CUBN: variants seen among roughly 807,000 people sequenced by gnomAD.
CUBN encodes cubilin, also known as 460 kDa receptor.
CUBN carries 282 observed loss-of-function variants against 405.3 expected under a neutral mutation model. The observed-to-expected ratio is 0.70, with a 90% CI of 0.63 to 0.77. CUBN has a LOEUF of 0.77. Ranked by LOEUF, CUBN falls within the 30% of genes least tolerant of loss-of-function variation. The pLI is 0.00. For missense variants in CUBN, 4,514 were observed against 4,475.2 expected (o/e 1.01, Z -0.25); for synonymous variants, 1,684 against 1,617.0 (o/e 1.04, Z -0.99).
intron 59 of CUBN, among the ~76,000 whole-genome samples, chr10:16,866,534 C>T (rs1329920530): frequency 6.6e-6 from 1 of 152,196 alleles, no homozygotes; most frequent in East Asian, 1.9e-4. Context: ...TTAGCCAAAT[C>T]CACAGAACCA....
intron 36 of CUBN, 43 bp from the exon 37 acceptor site, chr10:16,940,280 A>G (rs1842620063): frequency 6.4e-7 from 1 of 1,559,166 alleles, no homozygotes; most frequent in Non-Finnish European, 8.8e-7. Flanking sequence ...AAATTGAGAG[A>G]ATAGACTTTG....
chr10:16,916,120 C>G, intron 45 of CUBN, 90 bp from the exon 46 acceptor site: 1 of 1,328,452 alleles, frequency 7.5e-7, no homozygotes, highest in Non-Finnish European at 1.1e-6. Context: ...TTCATTTCAC[C>G]AGCACATTTG....
At chr10:16,828,466 C>A (rs1489014361) in intron 66 of CUBN, among the ~76,000 whole-genome samples, 1 of 152,114 alleles carries the variant, frequency 6.6e-6, no homozygotes, top group Non-Finnish European at 1.5e-5. Context: ...GCGTGTAATC[C>A]CAACACTTTC....
Position 16,915,056 on chromosome 10 carries a change from G to A in CUBN, c.7327C>T (p.Leu2443=), listed in dbSNP as rs1841846523. 1 of 1,613,862 alleles carries A rather than the reference G, an allele frequency of 6.2e-7. No individual in the cohort carries two copies. Among genetic ancestry groups the A allele is most frequent in the African/African-American group, 1.3e-5 (1 of 74,940 alleles). ...CCTTCCATACTGGATTCAAATCGCA[G>A]TCTGAATCCTGAGGCAGTCACAGAG... ...DGSVTASGFR[L]RFESSMEECG... The change falls in exon 47 of 67, where the codon CTG becomes TTG. Residue 2443 remains leucine (L), a synonymous_variant. Transcript: ENST00000377833.
At chr10:16,980,608 G>A (rs1036433675) in intron 31 of CUBN, among the ~76,000 whole-genome samples, 4 of 152,048 alleles carry the variant, frequency 2.6e-5, no homozygotes, top group Admixed American at 6.6e-5. Flanking sequence ...ACCAAACACC[G>A]CATATTCTCA....
intron 54 of CUBN, among the ~76,000 whole-genome samples, chr10:16,898,154 G>A (rs759216227): frequency 2.0e-5 from 3 of 151,522 alleles, no homozygotes; most frequent in Non-Finnish European, 4.4e-5. Flanking sequence ...AACATCATTT[G>A]AGAGTTGATA....
intron 59 of CUBN, among the ~76,000 whole-genome samples, chr10:16,861,480 C>T (rs546462863): frequency 1.4e-3 from 219 of 152,268 alleles, no homozygotes; most frequent in African/African-American, 5.2e-3. Flanking sequence ...CCTTCTTATC[C>T]TTCCAAAATA....
chr10:17,070,408 G>A (rs772131565), intron 19 of CUBN, among the ~76,000 whole-genome samples: 7 of 152,064 alleles, frequency 4.6e-5, no homozygotes, highest in South Asian at 2.1e-4. Flanking sequence ...AAAAGAGCCC[G>A]CTGTGATTTT....
intron 28 of CUBN, among the ~76,000 whole-genome samples, chr10:16,993,668 CTT>C (rs1203311608): frequency 1.4e-5 from 2 of 140,772 alleles, no homozygotes; most frequent in Non-Finnish European, 1.6e-5. Context: ...TTTTTCTTTT[CTT>C]TTTTTTTTTT....
At chr10:16,856,963 C>CT (rs5783517) in intron 59 of CUBN, among the ~76,000 whole-genome samples, 5,887 of 152,194 alleles carry the variant, frequency 0.039, 388 homozygotes, top group African/African-American at 0.13. Flanking sequence ...ATGCATTATC[C>CT]TTTTTTGGAA....
chr10:17,040,927 TG>T, intron 27 of CUBN, 105 bp downstream of exon 27: 1 of 1,032,838 alleles, frequency 9.7e-7, no homozygotes, highest in Non-Finnish European at 1.5e-6. Context: ...TATAGATGCG[TG>T]GGGCAGAGTT....
chr10:16,903,596 TATA>T (rs1391814913), intron 51 of CUBN, among the ~76,000 whole-genome samples: 3 of 149,160 alleles, frequency 2.0e-5, no homozygotes, highest in African/African-American at 7.3e-5. Context: ...TTATAAAATT[TATA>T]ATAATTATGC....
chr10:16,971,690 C>G (rs1466441135), intron 31 of CUBN, among the ~76,000 whole-genome samples: 1 of 152,136 alleles, frequency 6.6e-6, no homozygotes, highest in Non-Finnish European at 1.5e-5. Flanking sequence ...TAGAACCAAT[C>G]TGGCGCTTCT....
At chr10:16,949,474 G>T (rs61841458) in intron 34 of CUBN, among the ~76,000 whole-genome samples, 25 of 148,290 alleles carry the variant, frequency 1.7e-4, no homozygotes, top group Non-Finnish European at 2.9e-4. Context: ...TAGTGTGTGT[G>T]TGTTTGTTTG....
At chr10:16,986,669 C>G (rs892649808) in intron 29 of CUBN, among the ~76,000 whole-genome samples, 2 of 152,124 alleles carry the variant, frequency 1.3e-5, no homozygotes, top group African/African-American at 4.8e-5. Flanking sequence ...GCCCCTGACA[C>G]GTACACATAT....
chr10:17,068,575 G>C (rs1219578105), intron 20 of CUBN, 30 bp downstream of exon 20: 1 of 1,563,106 alleles, frequency 6.4e-7, no homozygotes, highest in African/African-American at 1.4e-5. Context: ...AGCCCAAGAG[G>C]AGGAAAAAAA....
chr10:16,943,963 T>A (rs76443406), intron 36 of CUBN, among the ~76,000 whole-genome samples: 3 of 152,244 alleles, frequency 2.0e-5, no homozygotes, highest in African/African-American at 7.2e-5. Flanking sequence ...AAGTCTTTGC[T>A]TTAGGCTGGT....
rs1838700852 is a variant in CUBN at position 16,823,989 on chromosome 10, A to C, written c.*986T>G. On this transcript the variant is annotated 3_prime_UTR_variant, in exon 67 of 67. Transcript: ENST00000377833. ...AATTGTGTACAATTCAATAATGTTT[A>C]TTATGTGTAATTGAACATTCACAGG... 1 of 152,262 alleles carries C rather than the reference A, an allele frequency of 6.6e-6. No homozygotes were observed. Among genetic ancestry groups the C allele is most frequent in the Admixed American group, 6.5e-5 (1 of 15,284 alleles). The allele number at this position is 152,262 out of a possible 1,614,324, so 9.4% of individuals were successfully genotyped here.
intron 31 of CUBN, among the ~76,000 whole-genome samples, chr10:16,956,208 A>G (rs1843059229): frequency 1.3e-5 from 2 of 152,194 alleles, no homozygotes; most frequent in African/African-American, 4.8e-5. Context: ...TCAAATATCA[A>G]TAGGATTTTT....
Sources: allele counts gnomAD v4.1 joint callset (sites outside exome capture counted in the v4.1 genomes callset), GRCh38; gene constraint gnomAD v4.1.1; transcripts MANE v1.5; gene names NCBI Gene and HGNC (gene_info 2026-07-23, HGNC 2026-07-21).